Variants in LRRC49 observed in about 807,000 individuals in gnomAD.
LRRC49 encodes leucine rich repeat containing 49, also known as leucine-rich repeat-containing protein 49.
Under a neutral mutation model 83.3 loss-of-function variants are expected in LRRC49, and 50 were observed. The observed-to-expected ratio is 0.60, with a 90% CI of 0.48 to 0.76. LRRC49 has a LOEUF of 0.76. Among genes scored for constraint, LRRC49 ranks in the 30% least tolerant of loss-of-function variants. The probability of loss-of-function intolerance (pLI) is 0.00; values close to 1 mark genes in which losing one functional copy is unlikely to be tolerated. For synonymous variants in LRRC49, 286 were observed against 283.3 expected, an observed-to-expected ratio of 1.01 and a Z score of -0.10; for missense variants, 704 against 809.1, an observed-to-expected ratio of 0.87 and a Z score of 1.58.
intron 1 of LRRC49, among the ~76,000 whole-genome samples, chr15:70,862,577 C>CAAAAAA (rs10623501): frequency 3.2e-5 from 2 of 61,738 alleles, no homozygotes; most frequent in Non-Finnish European, 2.9e-5. Context: ...GACTCCGTCT[C>CAAAAAA]AAAAAAAAAA....
rs1289445905 is a variant in LRRC49, at chr15:70,894,669, G to T, written c.105+1029G>T. ...GGAAACCTCTAACCATCACAATTCAGGTGTGTCCTAAAAAGTTATTAAATA... is the reference window on the plus strand; with the variant it reads ...GGAAACCTCTAACCATCACAATTCATGTGTGTCCTAAAAAGTTATTAAATA... On this transcript the variant is annotated intron_variant, in intron 2 of 15. Coordinates refer to ENST00000260382, the MANE Select transcript of LRRC49 (RefSeq NM_017691.5). 16 of 1,263,332 alleles carry T rather than the reference G, an allele frequency of 1.3e-5. No individual in the cohort carries two copies. In the South Asian group the frequency reaches 2.0e-4, roughly 16 times the overall value. The allele number at this position is 1,263,332 out of a possible 1,614,324, so 78.3% of individuals were successfully genotyped here.
chr15:70,910,337 G>T (rs1465638894), intron 5 of LRRC49, among the ~76,000 whole-genome samples: 1 of 151,998 alleles, frequency 6.6e-6, no homozygotes, highest in Non-Finnish European at 1.5e-5. Flanking sequence ...TGTTTACATG[G>T]TAATGATCAG....
At chr15:70,859,543 G>T in intron 1 of LRRC49, 1 of 672,340 alleles carries the variant, frequency 1.5e-6, no homozygotes, top group Admixed American at 1.8e-5. Context: ...GCCAGGCGGA[G>T]GCTGAGAGCA....
At chr15:70,984,648 C>CT (rs2037531507) in intron 11 of LRRC49, 1 of 154,048 alleles carries the variant, frequency 6.5e-6, no homozygotes, top group African/African-American at 2.4e-5. Context: ...TATTATTATA[C>CT]TTTAAGTTTT....
intron 9 of LRRC49, among the ~76,000 whole-genome samples, chr15:70,975,803 A>G (rs1223592473): frequency 6.6e-6 from 1 of 152,198 alleles, no homozygotes; most frequent in Non-Finnish European, 1.5e-5. Flanking sequence ...CTCCAAAAAA[A>G]AAAAGGAGCT....
At chr15:70,996,844 T>C (rs1302334563) in intron 11 of LRRC49, among the ~76,000 whole-genome samples, 3 of 152,214 alleles carry the variant, frequency 2.0e-5, no homozygotes, top group Admixed American at 2.0e-4. Flanking sequence ...TTCTTCTTTT[T>C]CCAGTGTTTG....
intron 11 of LRRC49, among the ~76,000 whole-genome samples, chr15:71,001,467 C>G (rs1322718529): frequency 6.6e-6 from 1 of 152,168 alleles, no homozygotes; most frequent in Non-Finnish European, 1.5e-5. Context: ...CCATCTTTTT[C>G]TTATTTCCAG....
chr15:71,003,088 C>G (rs113700991), intron 11 of LRRC49, among the ~76,000 whole-genome samples: 10 of 151,878 alleles, frequency 6.6e-5, no homozygotes, highest in African/African-American at 2.2e-4. Context: ...CAGGCATGCA[C>G]CACCATGCCC....
At chr15:71,032,029 G>A (rs530305870) in intron 14 of LRRC49, among the ~76,000 whole-genome samples, 5 of 152,064 alleles carry the variant, frequency 3.3e-5, no homozygotes, top group Non-Finnish European at 7.4e-5. Flanking sequence ...GGTTCCAGGC[G>A]CCACTGGGGT....
intron 8 of LRRC49, among the ~76,000 whole-genome samples, chr15:70,950,535 A>G (rs1268888378): frequency 6.6e-6 from 1 of 152,000 alleles, no homozygotes; most frequent in Non-Finnish European, 1.5e-5. Context: ...ATTTTTTCAT[A>G]TATTTGTTGG....
At chr15:70,889,409 G>C (rs775979472), upstream of LRRC49, among the ~76,000 whole-genome samples, 9 of 152,118 alleles carry the variant, frequency 5.9e-5, no homozygotes, top group Admixed American at 1.3e-4. Flanking sequence ...GAGGGGAGGG[G>C]CTGGATATGG....
chr15:70,924,707 G>A (rs2035131661), intron 7 of LRRC49, among the ~76,000 whole-genome samples: 2 of 151,910 alleles, frequency 1.3e-5, no homozygotes. Context: ...CTGCATCTCT[G>A]TCTATCCTTC....
At chr15:71,000,150 T>G (rs1188029266) in intron 11 of LRRC49, among the ~76,000 whole-genome samples, 3 of 152,204 alleles carry the variant, frequency 2.0e-5, no homozygotes, top group Non-Finnish European at 2.9e-5. Flanking sequence ...TTTTCTTTTC[T>G]TCATTAAGTG....
At chr15:70,996,075 AAC>A (rs2038065888) in intron 11 of LRRC49, among the ~76,000 whole-genome samples, 1 of 152,158 alleles carries the variant, frequency 6.6e-6, no homozygotes, top group African/African-American at 2.4e-5. Flanking sequence ...GTGTCATGGA[AAC>A]ACTATTACAT....
intron 14 of LRRC49, among the ~76,000 whole-genome samples, chr15:71,017,369 C>T (rs1250585434): frequency 1.3e-5 from 2 of 152,040 alleles, no homozygotes; most frequent in East Asian, 1.9e-4. Context: ...TCTCATACTT[C>T]CTGAAGGTTT....
chr15:71,003,332 AT>A (rs1363095421), intron 11 of LRRC49, among the ~76,000 whole-genome samples: 1 of 152,228 alleles, frequency 6.6e-6, no homozygotes, highest in Non-Finnish European at 1.5e-5. Flanking sequence ...ATTTGATTTC[AT>A]TCTGCCTGCT....
intron 9 of LRRC49, among the ~76,000 whole-genome samples, chr15:70,969,075 G>C (rs2036897816): frequency 6.6e-6 from 1 of 152,094 alleles, no homozygotes; most frequent in South Asian, 2.1e-4. Flanking sequence ...TGTCCTGAAT[G>C]GTATTGCCTA....
At chr15:70,899,601 G>A (rs897206872) in intron 3 of LRRC49, among the ~76,000 whole-genome samples, 8 of 152,000 alleles carry the variant, frequency 5.3e-5, no homozygotes, top group African/African-American at 1.9e-4. Context: ...TGATTATTTT[G>A]TTCAAGAAAC....
intron 1 of LRRC49, among the ~76,000 whole-genome samples, chr15:70,868,711 C>T (rs1197658204): frequency 6.6e-6 from 1 of 152,196 alleles, no homozygotes; most frequent in Non-Finnish European, 1.5e-5. Context: ...ACTTGGGTCA[C>T]CCCAAATGTG....
Sources: allele counts gnomAD v4.1 joint callset (sites outside exome capture counted in the v4.1 genomes callset), GRCh38; gene constraint gnomAD v4.1.1; transcripts MANE v1.5; gene names NCBI Gene and HGNC (gene_info 2026-07-23, HGNC 2026-07-21).